FAM13A: variants seen among roughly 807,000 people sequenced by gnomAD.
FAM13A encodes family with sequence similarity 13 member A, also known as protein FAM13A.
A neutral mutation model predicts 129.6 loss-of-function variants in FAM13A; 76 were observed. The observed-to-expected ratio is 0.59, with a 90% CI of 0.49 to 0.71. The LOEUF (loss-of-function observed/expected upper bound fraction) is 0.71, where lower values mean the gene tolerates loss of function less well. Ranked by LOEUF, FAM13A falls within the 30% of genes least tolerant of loss-of-function variation. The probability of loss-of-function intolerance (pLI) is 0.00; values close to 1 mark genes in which losing one functional copy is unlikely to be tolerated. For missense variants in FAM13A, 1,108 were observed against 1,249.3 expected (o/e 0.89, Z 1.70); for synonymous variants, 443 against 449.9 (o/e 0.98, Z 0.20).
chr4:88,906,247 C>G, intron 6 of FAM13A, 132 bp downstream of exon 6: 1 of 644,218 alleles, frequency 1.6e-6, no homozygotes, highest in Non-Finnish European at 2.7e-6. Context: ...GAGATTGCGC[C>G]ACTGCACTCC....
chr4:88,826,426 T>C (rs1733004045), intron 7 of FAM13A, among the ~76,000 whole-genome samples: 1 of 152,198 alleles, frequency 6.6e-6, no homozygotes, highest in Admixed American at 6.5e-5. Context: ...CCATCTGGGC[T>C]GTCTATTGCC....
chr4:89,019,761 C>CAAAAAAAAAAAAAAAAAAAA (rs61682568), intron 3 of FAM13A, among the ~76,000 whole-genome samples: 1 of 57,818 alleles, frequency 1.7e-5, no homozygotes, highest in Non-Finnish European at 3.4e-5. Flanking sequence ...AACTACATCT[C>CAAAAAAAAAAAAAAAAAAAA]AAAAAAAAAA....
intron 6 of FAM13A, among the ~76,000 whole-genome samples, chr4:88,854,554 T>C (rs561125254): frequency 2.0e-4 from 30 of 152,352 alleles, no homozygotes; most frequent in Non-Finnish European, 4.1e-4. Context: ...TCTTCATTTA[T>C]TTGATCATTT....
At chr4:89,039,589 T>C (rs766403130) in intron 1 of FAM13A, among the ~76,000 whole-genome samples, 20 of 152,134 alleles carry the variant, frequency 1.3e-4, no homozygotes, top group Non-Finnish European at 2.5e-4. Context: ...CAAAAAAATG[T>C]CTACTCATTT....
chr4:88,764,487 T>C (rs577461614), intron 13 of FAM13A, among the ~76,000 whole-genome samples: 1 of 152,186 alleles, frequency 6.6e-6, no homozygotes, highest in East Asian at 1.9e-4. Context: ...TCATAGAAAA[T>C]AGGGATTAAA....
Position 88,877,345 on chromosome 4 carries a change from C to T in FAM13A, c.844-26162G>A, listed in dbSNP as rs549825332. 1.8e-3 allele frequency among the ~76,000 whole-genome samples: 274 copies of T among 152,162 alleles called. 1 individual carries two copies. Among genetic ancestry groups the T allele is most frequent in the Admixed American group, 9.4e-3 (143 of 15,272 alleles). Reference sequence around the variant, plus strand: ...ATAATTCTAAGAAATGAATCTTATGCCAAAATTGTTTGACCAAACAGTATT... The same window carrying T: ...ATAATTCTAAGAAATGAATCTTATGTCAAAATTGTTTGACCAAACAGTATT... On this transcript the variant is annotated intron_variant, in intron 6 of 23. Transcript: ENST00000264344.
chr4:89,004,773 T>C (rs1179335607), intron 3 of FAM13A, among the ~76,000 whole-genome samples: 1 of 152,054 alleles, frequency 6.6e-6, no homozygotes, highest in Non-Finnish European at 1.5e-5. Context: ...TGAGGATGAG[T>C]TGGGACATAA....
At position 88,731,149 on chromosome 4, in the gene FAM13A, A is replaced by G. The variant is rs536721848; in HGVS notation, c.2945+178T>C. ...CTTCTGGGAGGTCCACACAAATCCCATCATCTCACAGTCAACCTCTAAGTG... is the reference window on the plus strand; with the variant it reads ...CTTCTGGGAGGTCCACACAAATCCCGTCATCTCACAGTCAACCTCTAAGTG... On this transcript the variant is annotated intron_variant, in intron 23 of 23. Transcript: ENST00000264344. Among the ~76,000 whole-genome samples the G allele has an allele frequency of 1.7e-3, 263 of 152,312 alleles. 2 individuals are homozygous for G. Among genetic ancestry groups the G allele is most frequent in the African/African-American group, 6.0e-3 (249 of 41,572 alleles).
intron 7 of FAM13A, among the ~76,000 whole-genome samples, chr4:88,823,764 T>C (rs990370389): frequency 8.5e-5 from 13 of 152,222 alleles, no homozygotes; most frequent in Non-Finnish European, 7.3e-5. Context: ...TGCTGATGTT[T>C]GTTTACACTG....
rs754504501 is a variant in FAM13A at position 89,023,132 on chromosome 4, C to A, written c.218-2463G>T. ...CAGCAAATGGGTAACGAATACGATACGCCTTTCCCTTAAGTTCTGTGGAAT... is the reference window on the plus strand; with the variant it reads ...CAGCAAATGGGTAACGAATACGATAAGCCTTTCCCTTAAGTTCTGTGGAAT... On this transcript the variant is annotated intron_variant, in intron 2 of 23. Transcript: ENST00000264344. Among the ~76,000 whole-genome samples, 3 of 152,150 alleles carry A rather than the reference C, an allele frequency of 2.0e-5. No individual in the cohort carries two copies. The East Asian group carries it at 5.8e-4, about 29-fold the overall frequency.
intron 7 of FAM13A, among the ~76,000 whole-genome samples, chr4:88,820,121 T>C (rs1289607135): frequency 6.6e-6 from 1 of 152,222 alleles, no homozygotes; most frequent in Non-Finnish European, 1.5e-5. Context: ...TAACAACGTA[T>C]CTTCTATACA....
intron 6 of FAM13A, among the ~76,000 whole-genome samples, chr4:88,871,806 T>C (rs1394770580): frequency 1.3e-5 from 2 of 152,104 alleles, no homozygotes; most frequent in Non-Finnish European, 2.9e-5. Flanking sequence ...ACCACAAAGA[T>C]ACTCCTCAAG....
chr4:88,903,124 A>G (rs1215588941), intron 6 of FAM13A, among the ~76,000 whole-genome samples: 1 of 152,178 alleles, frequency 6.6e-6, no homozygotes, highest in African/African-American at 2.4e-5. Context: ...AAATATAACA[A>G]CATTCCATGC....
chr4:89,026,704 G>A (rs1044896644), intron 2 of FAM13A, among the ~76,000 whole-genome samples: 1 of 152,138 alleles, frequency 6.6e-6, no homozygotes, highest in African/African-American at 2.4e-5. Flanking sequence ...GAACAGCCTG[G>A]GGAAACCACC....
intron 10 of FAM13A, among the ~76,000 whole-genome samples, chr4:88,782,365 A>C (rs1723121740): frequency 6.6e-6 from 1 of 151,952 alleles, no homozygotes; most frequent in Admixed American, 6.6e-5. Flanking sequence ...CTTGGTAAGG[A>C]ACAAATAAAT....
chr4:88,755,127 G>A (rs73841695), intron 14 of FAM13A, among the ~76,000 whole-genome samples: 2,480 of 152,224 alleles, frequency 0.016, 69 homozygotes, highest in African/African-American at 0.057. Flanking sequence ...AAGAAAGAAA[G>A]GAGGTTGGTG....
chr4:89,018,005 A>G (rs1321708156), intron 3 of FAM13A, among the ~76,000 whole-genome samples: 1 of 152,234 alleles, frequency 6.6e-6, no homozygotes, highest in African/African-American at 2.4e-5. Context: ...TTTTCAAAAA[A>G]TAAAATCATT....
intron 1 of FAM13A, among the ~76,000 whole-genome samples, chr4:89,042,465 T>G (rs1374994532): frequency 6.6e-6 from 1 of 152,192 alleles, no homozygotes; most frequent in Non-Finnish European, 1.5e-5. Context: ...GTATATTAAT[T>G]TGAAAAACTC....
chr4:88,866,033 C>G (rs1379451439), intron 6 of FAM13A, among the ~76,000 whole-genome samples: 1 of 151,296 alleles, frequency 6.6e-6, no homozygotes, highest in African/African-American at 2.4e-5. Flanking sequence ...CACCATGTTC[C>G]ACTAATTTTT....
Sources: allele counts gnomAD v4.1 joint callset (sites outside exome capture counted in the v4.1 genomes callset), GRCh38; gene constraint gnomAD v4.1.1; transcripts MANE v1.5; gene names NCBI Gene and HGNC (gene_info 2026-07-23, HGNC 2026-07-21).